Variants in IQCM observed in about 807,000 individuals in gnomAD.
IQCM encodes the protein IQ domain-containing protein M.
A neutral mutation model predicts 57.6 loss-of-function variants in IQCM; 45 were observed. That is an observed-to-expected ratio of 0.78 (90% CI 0.62 to 1.00). The LOEUF (loss-of-function observed/expected upper bound fraction) is 1.00. Ranked by LOEUF, IQCM falls within the 50% of genes least tolerant of loss-of-function variation. IQCM has a pLI of 0.00. For synonymous variants in IQCM, 148 were observed against 158.9 expected (o/e 0.93, Z 0.51); for missense variants, 468 against 511.6 (o/e 0.91, Z 0.82).
chr4:149,694,155 CTT>C (rs1289273689), intron 5 of IQCM, among the ~76,000 whole-genome samples: 1 of 150,826 alleles, frequency 6.6e-6, no homozygotes, highest in Non-Finnish European at 1.5e-5. Flanking sequence ...TTTAATACCT[CTT>C]ATTCAGTTAC....
intron 2 of IQCM, among the ~76,000 whole-genome samples, chr4:149,763,270 C>A (rs2149968727): frequency 6.6e-6 from 1 of 152,050 alleles, no homozygotes; most frequent in East Asian, 1.9e-4. Flanking sequence ...TAGTTTGTAT[C>A]CTAAACTATT....
chr4:149,669,295 T>G (rs1461446338), intron 7 of IQCM, among the ~76,000 whole-genome samples: 1 of 152,194 alleles, frequency 6.6e-6, no homozygotes, highest in Non-Finnish European at 1.5e-5. Flanking sequence ...GAAGTGTCTA[T>G]TCATATCCTT....
At chr4:149,662,400 T>A (rs1318735351) in intron 7 of IQCM, among the ~76,000 whole-genome samples, 1 of 152,012 alleles carries the variant, frequency 6.6e-6, no homozygotes, top group Non-Finnish European at 1.5e-5. Context: ...AGATGTTGGA[T>A]GGCATGTTCC....
intron 5 of IQCM, among the ~76,000 whole-genome samples, chr4:149,706,063 A>C (rs1764134510): frequency 2.0e-5 from 3 of 151,962 alleles, no homozygotes; most frequent in African/African-American, 7.2e-5. Context: ...TTTCATTGCA[A>C]AATAGGATAT....
chr4:149,714,298 T>C (rs1764810334), intron 5 of IQCM, among the ~76,000 whole-genome samples: 1 of 152,172 alleles, frequency 6.6e-6, no homozygotes, highest in South Asian at 2.1e-4. Flanking sequence ...AGTTTCTCCT[T>C]ATTTCCCTAA....
At chr4:149,799,633 TG>T (rs1399846036) in intron 2 of IQCM, among the ~76,000 whole-genome samples, 10 of 151,486 alleles carry the variant, frequency 6.6e-5, no homozygotes, top group Admixed American at 6.6e-4. Context: ...AAATCGGAGA[TG>T]AGAAAGGAGA....
At chr4:149,604,466 C>A (rs1754600669) in intron 8 of IQCM, among the ~76,000 whole-genome samples, 1 of 152,120 alleles carries the variant, frequency 6.6e-6, no homozygotes, top group African/African-American at 2.4e-5. Context: ...TTAATGAATA[C>A]ATGACTTTTA....
chr4:149,374,745 TC>T (rs1171629445), intron 13 of IQCM, among the ~76,000 whole-genome samples: 16 of 152,136 alleles, frequency 1.1e-4, no homozygotes, highest in Admixed American at 2.0e-4. Context: ...AGCTCCCAAC[TC>T]CTGCCAACCT....
At chr4:149,404,204 T>G (rs1343016247) in intron 13 of IQCM, among the ~76,000 whole-genome samples, 1 of 151,948 alleles carries the variant, frequency 6.6e-6, no homozygotes, top group Non-Finnish European at 1.5e-5. Flanking sequence ...GTATCCAGAT[T>G]TATGGAGACA....
chr4:149,498,130 T>C (rs17026279), intron 12 of IQCM, among the ~76,000 whole-genome samples: 2,625 of 152,274 alleles, frequency 0.017, 77 homozygotes, highest in African/African-American at 0.061. Flanking sequence ...TAAGATAGAA[T>C]GTCTGGAGCA....
intron 12 of IQCM, among the ~76,000 whole-genome samples, chr4:149,466,308 C>T (rs777142115): frequency 3.3e-5 from 5 of 152,242 alleles, no homozygotes; most frequent in Non-Finnish European, 7.3e-5. Context: ...TAATTGAGGT[C>T]TAACAATAAC....
rs1765013498 is a variant in IQCM at position 149,716,507 on chromosome 4, T to C, written c.385+16737A>G. Among the ~76,000 whole-genome samples the C allele has an allele frequency of 2.0e-5, 3 of 152,106 alleles. No homozygotes were observed. The South Asian group carries it at 6.2e-4, about 31-fold the overall frequency. On this transcript the variant is annotated intron_variant, in intron 5 of 13. Coordinates refer to ENST00000636793, the MANE Select transcript of IQCM (RefSeq NM_001363507.2). ...GCTGTTGCAGCTAGGCAGCTGCAGC[T>C]GCGCCAAAGAAGGCAAGATCCTCCA...
rs369952876 is a variant in IQCM at position 149,773,750 on chromosome 4, T to A, written c.-48-31011A>T. Among the ~76,000 whole-genome samples, 40 of 152,344 alleles carry A rather than the reference T, an allele frequency of 2.6e-4. No homozygotes were observed. In the East Asian group the frequency reaches 7.3e-3, roughly 28 times the overall value. ...TAAATGAGTTGACTGCTGTGCATGT[T>A]AAAAGTTAGAATAATTATTTCATGC... On this transcript the variant is annotated intron_variant, in intron 2 of 13. Transcript: ENST00000636793.
At chr4:149,484,982 T>A (rs571871971) in intron 12 of IQCM, among the ~76,000 whole-genome samples, 1 of 151,988 alleles carries the variant, frequency 6.6e-6, no homozygotes, top group Admixed American at 6.6e-5. Context: ...AGGGTAAAAG[T>A]TTTTTGTTTC....
intron 9 of IQCM, among the ~76,000 whole-genome samples, chr4:149,564,437 G>A (rs1160726624): frequency 6.6e-6 from 1 of 152,152 alleles, no homozygotes; most frequent in Non-Finnish European, 1.5e-5. Flanking sequence ...GGTGACTGTG[G>A]TAGTTAATAA....
chr4:149,584,959 A>C (rs1214252308), intron 9 of IQCM, among the ~76,000 whole-genome samples: 1 of 151,658 alleles, frequency 6.6e-6, no homozygotes, highest in African/African-American at 2.4e-5. Context: ...CCCCACTCCC[A>C]CCTTTTAACA....
chr4:149,418,522 C>A (rs1429382405), intron 13 of IQCM, among the ~76,000 whole-genome samples: 2 of 152,078 alleles, frequency 1.3e-5, no homozygotes, highest in Non-Finnish European at 2.9e-5. Flanking sequence ...CCAAGAGGAG[C>A]TGATACCCTT....
intron 13 of IQCM, among the ~76,000 whole-genome samples, chr4:149,387,532 T>C (rs1186073914): frequency 6.6e-6 from 1 of 152,036 alleles, no homozygotes. Context: ...CTCATATTTA[T>C]TTGCTGGAAT....
At chr4:149,584,182 G>T in intron 9 of IQCM, among the ~76,000 whole-genome samples, 1 of 151,318 alleles carries the variant, frequency 6.6e-6, no homozygotes. Flanking sequence ...AGATTTTCTG[G>T]CTTTCTTTGA....
Sources: gnomAD v4.1 joint callset for allele counts (sites outside exome capture counted in the v4.1 genomes callset) on GRCh38, gnomAD v4.1.1 for gene constraint, MANE v1.5 for transcripts, NCBI Gene and HGNC (gene_info 2026-07-23, HGNC 2026-07-21) for gene names.